The following MYO18B variants were observed in gnomAD, a reference collection of about 807,000 sequenced individuals.
The protein encoded by MYO18B is unconventional myosin-XVIIIb.
In MYO18B, 204 loss-of-function variants were observed where a neutral mutation model predicts 273.0. The observed-to-expected ratio is 0.75, with a 90% CI of 0.67 to 0.84. The LOEUF is 0.84. Ranked by LOEUF, MYO18B falls within the 40% of genes least tolerant of loss-of-function variation. The pLI, the probability that MYO18B is intolerant of heterozygous loss-of-function variation, is 0.00. For missense variants in MYO18B, 3,212 were observed against 3,287.6 expected (o/e 0.98, Z 0.56); for synonymous variants, 1,330 against 1,305.7 (o/e 1.02, Z -0.40).
At position 25,908,276 on chromosome 22, in the gene MYO18B, A is replaced by T. The variant is rs746578353; in HGVS notation, c.5149-46A>T. The T allele has an allele frequency of 3.5e-6, 5 of 1,439,300 alleles. No individual in the cohort carries two copies. In the South Asian group the frequency reaches 6.1e-5, roughly 18 times the overall value. The allele number at this position is 1,439,300 out of a possible 1,614,324, so 89.2% of individuals were successfully genotyped here. A position where few individuals can be genotyped will look rare whatever the true frequency, so the allele number is the denominator to read the frequency against. On this transcript the variant is annotated intron_variant, in intron 31 of 43. Transcript: ENST00000335473. Reference sequence around the variant, plus strand: ...CAAGGATGACATGGAGGGCTTGGAGAGTTAGAGTGGGTCACCCTCACGTGC... The same window carrying T: ...CAAGGATGACATGGAGGGCTTGGAGTGTTAGAGTGGGTCACCCTCACGTGC...
chr22:25,742,555 C>T (rs555367702), intron 1 of MYO18B, among the ~76,000 whole-genome samples: 2 of 152,228 alleles, frequency 1.3e-5, no homozygotes, highest in South Asian at 2.1e-4. Flanking sequence ...TCACTCTCCT[C>T]AGGCCCCAGC....
rs185498641 is a variant in MYO18B, at chr22:25,951,048, A to G, written c.5832+598A>G. On this transcript the variant is annotated intron_variant, in intron 37 of 43. Coordinates refer to ENST00000335473, the MANE Select transcript of MYO18B (RefSeq NM_032608.7). ...GATGTAGGCTGGGAGGCTAAGGCCC[A>G]TCTCTCTCCTTTTCACGTTTTCCTG... 2.5e-3 allele frequency among the ~76,000 whole-genome samples: 374 copies of G among 152,266 alleles called. 1 individual carries two copies. The highest frequency in any genetic ancestry group is 7.9e-3 in the African/African-American group (328 of 41,558).
rs1601821846 is a variant in MYO18B at position 25,829,017 on chromosome 22, T to C, written c.2979+49T>C. The C allele has an allele frequency of 3.2e-6, 5 of 1,581,802 alleles. No individual in the cohort carries two copies. The East Asian group carries it at 1.1e-4, about 35-fold the overall frequency. ...TTTCACCAGAGCTCCGTGGATGGTG[T>C]AAGGTCAGATGGGAAGGGGTGGGAT... is the stretch of plus-strand genomic sequence containing the variant. On this transcript the variant is annotated intron_variant, in intron 15 of 43. Coordinates refer to ENST00000335473, the MANE Select transcript of MYO18B (RefSeq NM_032608.7).
At chr22:25,823,441 C>T (rs756029295) in intron 12 of MYO18B, 64 bp from the exon 13 acceptor site, 53 of 1,524,260 alleles carry the variant, frequency 3.5e-5, no homozygotes, top group Middle Eastern at 1.7e-4. Context: ...GAGGTCCTCT[C>T]GGGTGTTCAT....
intron 39 of MYO18B, among the ~76,000 whole-genome samples, chr22:25,977,600 G>T (rs2093105319): frequency 6.6e-6 from 1 of 152,152 alleles, no homozygotes; most frequent in Non-Finnish European, 1.5e-5. Flanking sequence ...AGTTTGGCTA[G>T]TAGAGTACAG....
chr22:25,935,029 A>G (rs1170492019), intron 34 of MYO18B, among the ~76,000 whole-genome samples: 1 of 152,204 alleles, frequency 6.6e-6, no homozygotes, highest in Non-Finnish European at 1.5e-5. Context: ...CCACTTATTA[A>G]AGAGAAATCT....
At chr22:25,772,561 C>T (rs1206097617) in intron 7 of MYO18B, 51 bp downstream of exon 7, 3 of 1,545,480 alleles carry the variant, frequency 1.9e-6, no homozygotes, top group Admixed American at 1.9e-5. Flanking sequence ...GCAGGGGGGC[C>T]TGGGGGGATC....
intron 21 of MYO18B, among the ~76,000 whole-genome samples, chr22:25,856,510 C>T (rs2090578865): frequency 1.3e-5 from 2 of 152,204 alleles, no homozygotes; most frequent in South Asian, 4.1e-4. Context: ...CTTTGGGACA[C>T]CCCAGGAGAT....
chr22:25,899,318 G>A (rs1195034929), intron 29 of MYO18B: 2 of 152,198 alleles, frequency 1.3e-5, no homozygotes, highest in Admixed American at 1.3e-4. Context: ...AGGTATACAG[G>A]GGTCCTGTTT....
At chr22:25,753,411 T>TGTAAAACGGACCAATCAGCTCTC (rs2086005404) in intron 1 of MYO18B, among the ~76,000 whole-genome samples, 1 of 151,926 alleles carries the variant, frequency 6.6e-6, no homozygotes, top group South Asian at 2.1e-4. Flanking sequence ...AGTCAGCTCT[T>TGTAAAACGGACCAATCAGCTCTC]TGTAAAACGG....
At chr22:26,029,882 G>C (rs1386392709) in intron 43 of MYO18B, among the ~76,000 whole-genome samples, 4 of 152,188 alleles carry the variant, frequency 2.6e-5, no homozygotes. Flanking sequence ...TCCTGGAATA[G>C]AGCATGGCAC....
chr22:26,063,090 G>T, the MYO18B span, among the ~76,000 whole-genome samples: 1 of 152,128 alleles, frequency 6.6e-6, no homozygotes, highest in Non-Finnish European at 1.5e-5. Context: ...CTTCTCTGCT[G>T]TTACACCGTT....
chr22:25,770,784 C>A lies in MYO18B; in HGVS notation c.1580-88C>A, dbSNP rs562196996. ...CCAAGCTTGCTGGCCCGGCTTAGAG[C>A]CTCTCTTATCTCCTGCCCTCGCCTC... is the stretch of plus-strand genomic sequence containing the variant. On this transcript the variant is annotated intron_variant, in intron 5 of 43. Coordinates refer to ENST00000335473, the MANE Select transcript of MYO18B (RefSeq NM_032608.7). 5.4e-6 allele frequency: 5 copies of A among 919,822 alleles called. No individual in the cohort carries two copies. The South Asian group carries it at 7.7e-5, about 14-fold the overall frequency. 57.0% of individuals were successfully genotyped at this position (919,822 alleles called of 1,614,324 possible). A position where few individuals can be genotyped will look rare whatever the true frequency, so the allele number is the denominator to read the frequency against.
intron 40 of MYO18B, among the ~76,000 whole-genome samples, chr22:26,003,010 C>G (rs1214087789): frequency 1.3e-5 from 2 of 150,986 alleles, no homozygotes; most frequent in Non-Finnish European, 3.0e-5. Flanking sequence ...TTAGCACTAT[C>G]TATTTGCCAG....
At chr22:25,774,956 T>C (rs1420540522) in intron 7 of MYO18B, among the ~76,000 whole-genome samples, 1 of 152,272 alleles carries the variant, frequency 6.6e-6, no homozygotes, top group Admixed American at 6.5e-5. Flanking sequence ...AGCACACTTC[T>C]GTGCATGCGT....
intron 28 of MYO18B, chr22:25,896,627 C>T (rs1277169734): frequency 6.6e-6 from 1 of 152,082 alleles, no homozygotes; most frequent in Admixed American, 6.5e-5. Context: ...ATATTTTTAT[C>T]TAGCCTTTCT....
chr22:26,010,543 G>C (rs1055908261), intron 42 of MYO18B, among the ~76,000 whole-genome samples: 10 of 152,196 alleles, frequency 6.6e-5, no homozygotes, highest in Non-Finnish European at 5.9e-5. Context: ...CCGTTAAATA[G>C]ACTTTAATAA....
intron 7 of MYO18B, among the ~76,000 whole-genome samples, chr22:25,773,416 T>C (rs1055581721): frequency 3.9e-5 from 6 of 152,006 alleles, no homozygotes; most frequent in African/African-American, 9.7e-5. Context: ...CTCAGGGTGA[T>C]GATTCTGGCT....
In MYO18B at chr22:25,853,290, A is replaced by G. The variant is rs540668208; in HGVS notation, c.3885+1711A>G. ...CTGCAGTCCTCAATGAATGAGTCAG[A>G]AGACTAGATGTAAAGTCACAATTCT... On this transcript the variant is annotated intron_variant, in intron 21 of 43. Coordinates refer to ENST00000335473, the MANE Select transcript of MYO18B (RefSeq NM_032608.7). Among the ~76,000 whole-genome samples the G allele has an allele frequency of 1.1e-3, 164 of 152,320 alleles. 1 individual carries two copies. The highest frequency in any genetic ancestry group is 3.1e-3 in the Admixed American group (47 of 15,310).
Sources: allele counts gnomAD v4.1 joint callset (sites outside exome capture counted in the v4.1 genomes callset), GRCh38; gene constraint gnomAD v4.1.1; transcripts MANE v1.5; gene names NCBI Gene and HGNC (gene_info 2026-07-23, HGNC 2026-07-21).